The following TTLL1 variants were observed in gnomAD, a reference collection of about 807,000 sequenced individuals.
TTLL1 encodes TTL family tubulin polyglutamylase complex subunit L1.
TTLL1 carries 33 observed loss-of-function variants against 47.8 expected under a neutral mutation model. The ratio of observed to expected loss-of-function variants is 0.69; its 90% confidence interval spans 0.52 to 0.92. TTLL1 has a LOEUF of 0.92. TTLL1 is among the 40% of genes least tolerant of loss of function. TTLL1 has a pLI of 0.00. For missense variants in TTLL1, 488 were observed against 547.5 expected (o/e 0.89, Z 1.08); for synonymous variants, 225 against 214.1 (o/e 1.05, Z -0.45).
At chr22:43,059,687 G>A (rs991338081) in intron 7 of TTLL1, among the ~76,000 whole-genome samples, 160 bp from the exon 8 acceptor site, 5 of 151,988 alleles carry the variant, frequency 3.3e-5, no homozygotes, top group Non-Finnish European at 5.9e-5. Context: ...GATCTGGGCC[G>A]GCTATTTTCC....
In TTLL1 at chr22:43,057,603, G is replaced by A. The variant is rs182906654; in HGVS notation, c.891+1781C>T. On this transcript the variant is annotated intron_variant, in intron 8 of 10. Transcript: ENST00000266254. ...GTATCCCACCACACACACACTCCAC[G>A]GTGATGTGGCACCCACTCTCTGGGC... Among the ~76,000 whole-genome samples, 150 of 152,230 alleles carry A rather than the reference G, an allele frequency of 9.9e-4. 2 individuals carry two copies. The highest frequency in any genetic ancestry group is 1.9e-3 in the Non-Finnish European group (128 of 68,024).
chr22:43,083,186 G>A (rs1252764644), intron 1 of TTLL1, among the ~76,000 whole-genome samples: 2 of 151,226 alleles, frequency 1.3e-5, no homozygotes, highest in Admixed American at 1.3e-4. Flanking sequence ...CTAACATGGT[G>A]AAAACTCTTC....
rs151288706 is a variant in TTLL1 at position 43,055,426 on chromosome 22, G to A, written c.892-3539C>T. Among the ~76,000 whole-genome samples, 506 of 152,000 alleles carry A rather than the reference G, an allele frequency of 3.3e-3. 1 individual carries two copies. The highest frequency in any genetic ancestry group is 0.012 in the African/African-American group (486 of 41,438). ...AGCTCCCTGTAGCCTCCATCTTCCAGGCTCAAGTGATTTTCCCAGGTCAGC... is the reference window on the plus strand; with the variant it reads ...AGCTCCCTGTAGCCTCCATCTTCCAAGCTCAAGTGATTTTCCCAGGTCAGC... On this transcript the variant is annotated intron_variant, in intron 8 of 10. Coordinates refer to ENST00000266254, the MANE Select transcript of TTLL1 (RefSeq NM_012263.5).
chr22:43,064,288 G>T lies in TTLL1; in HGVS notation c.540C>A (p.Ile180=), dbSNP rs755004851. ...GTAACGGGTTGTTAATATAGAGAGA[G>T]ATCACGTAGGCTTCCTTATTAGATT... is the stretch of plus-strand genomic sequence containing the variant. ...VSQSNKEAYV[I]SLYINNPLLI... is the part of the protein sequence containing the mutation. Residue 180 remains isoleucine (I), a synonymous_variant, in exon 6 of 11, where the codon ATC becomes ATA. Coordinates refer to ENST00000266254, the MANE Select transcript of TTLL1 (RefSeq NM_012263.5). 1.2e-6 allele frequency: 2 copies of T among 1,613,824 alleles called. No individual in the cohort carries two copies. The highest frequency in any genetic ancestry group is 3.3e-5 in the Admixed American group (2 of 59,906).
intron 9 of TTLL1, 33 bp downstream of exon 9, chr22:43,051,768 G>A: frequency 6.2e-7 from 1 of 1,602,882 alleles, no homozygotes; most frequent in Non-Finnish European, 8.5e-7. Context: ...GGCTATGTGT[G>A]GTGTGACCAG....
chr22:43,087,983 A>C (rs1470683027), intron 1 of TTLL1, among the ~76,000 whole-genome samples: 1 of 151,712 alleles, frequency 6.6e-6, no homozygotes, highest in Non-Finnish European at 1.5e-5. Flanking sequence ...CCCCATCTCT[A>C]CTAAAATTTA....
At chr22:43,055,117 G>A (rs921102415) in intron 8 of TTLL1, among the ~76,000 whole-genome samples, 2 of 150,150 alleles carry the variant, frequency 1.3e-5, no homozygotes, top group Non-Finnish European at 3.0e-5. Flanking sequence ...TCTACCTCCC[G>A]GGTTCAAGCG....
intron 10 of TTLL1, among the ~76,000 whole-genome samples, chr22:43,043,822 A>G: frequency 6.6e-6 from 1 of 151,780 alleles, no homozygotes; most frequent in Non-Finnish European, 1.5e-5. Context: ...CTCCTTGTGC[A>G]GTCACCTCCA....
chr22:43,075,582 G>A lies in TTLL1; in HGVS notation c.5C>T (p.Ala2Val), dbSNP rs1435393089. M[A>V]GKVKWVTDIE... is the part of the protein sequence containing the mutation. Reference sequence around the variant, plus strand: ...ATCAGTGACCCATTTTACTTTCCCTGCCATAATCCTGGAAGAGATCAAAAT... The same window carrying A: ...ATCAGTGACCCATTTTACTTTCCCTACCATAATCCTGGAAGAGATCAAAAT... The change falls in exon 3 of 11, where the codon GCA (alanine) becomes GTA (valine). Residue 2 changes from alanine to valine, a missense_variant. Physicochemically the swap from Ala to Val is moderately conservative, Grantham distance 64. Transcript: ENST00000266254. 1 of 1,613,846 alleles carries A rather than the reference G, an allele frequency of 6.2e-7. No homozygotes were observed. Among genetic ancestry groups the A allele is most frequent in the Non-Finnish European group, 8.5e-7 (1 of 1,179,744 alleles).
At chr22:43,065,108 G>A (rs548525501) in intron 5 of TTLL1, among the ~76,000 whole-genome samples, 101 of 151,716 alleles carry the variant, frequency 6.7e-4, no homozygotes, top group African/African-American at 2.1e-3. Flanking sequence ...TCCTGCCACC[G>A]CACTCCAGCC....
chr22:43,068,380 C>A (rs752704073), intron 5 of TTLL1, 30 bp downstream of exon 5: 22 of 1,448,434 alleles, frequency 1.5e-5, no homozygotes, highest in Non-Finnish European at 1.3e-5. Context: ...TGGGACCTGG[C>A]ACACAAAGTG....
chr22:43,075,554 G>A lies in TTLL1; in HGVS notation c.33C>T (p.Ile11=), dbSNP rs148475049. 257 of 1,614,100 alleles carry A rather than the reference G, an allele frequency of 1.6e-4. 2 individuals carry two copies. In the African/African-American group the frequency reaches 2.9e-3, roughly 19 times the overall value. ...AGTTATTGATCAGCACTGACTTCTCGATATCAGTGACCCATTTTACTTTCC... is the reference window on the plus strand; with the variant it reads ...AGTTATTGATCAGCACTGACTTCTCAATATCAGTGACCCATTTTACTTTCC... MAGKVKWVTD[I]EKSVLINNFE... Residue 11 remains isoleucine (I), a synonymous_variant, in exon 3 of 11, where the codon ATC becomes ATT. Coordinates refer to ENST00000266254, the MANE Select transcript of TTLL1 (RefSeq NM_012263.5).
intron 8 of TTLL1, chr22:43,052,096 T>C (rs1601663803): frequency 7.0e-6 from 4 of 573,750 alleles, no homozygotes; most frequent in Non-Finnish European, 9.5e-6. Context: ...ATAGAGGGAA[T>C]TGATGAAGCC....
chr22:43,072,918 G>C (rs1161619783), intron 3 of TTLL1, among the ~76,000 whole-genome samples: 1 of 152,166 alleles, frequency 6.6e-6, no homozygotes, highest in Non-Finnish European at 1.5e-5. Flanking sequence ...TCTTTAATCT[G>C]CCACAAATTG....
At chr22:43,067,902 C>G (rs1476760210) in intron 5 of TTLL1, among the ~76,000 whole-genome samples, 1 of 151,614 alleles carries the variant, frequency 6.6e-6, no homozygotes, top group Non-Finnish European at 1.5e-5. Flanking sequence ...CTTCTGGGTT[C>G]AAGCGATTCT....
At position 43,068,412 on chromosome 22, in the gene TTLL1, A is replaced by C. The variant is rs1927889170; in HGVS notation, c.501T>G (p.Ser167=). The change falls in exon 5 of 11, where the codon TCT becomes TCG. Residue 167 remains serine, a splice_region_variant and synonymous_variant. Coordinates refer to ENST00000266254, the MANE Select transcript of TTLL1 (RefSeq NM_012263.5). Reference sequence around the variant, plus strand: ...AGTGGGTGGCTGCCCACACTTACGAAGATGTCTTGCTGTCCCGGGACCACT... The same window carrying C: ...AGTGGGTGGCTGCCCACACTTACGACGATGTCTTGCTGTCCCGGGACCACT... ...IKKWSRDSKT[S]SFVSQSNKEA... 1 of 1,504,150 alleles carries C rather than the reference A, an allele frequency of 6.6e-7. No homozygotes were observed. The highest frequency in any genetic ancestry group is 1.4e-5 in the African/African-American group (1 of 72,812). The allele number at this position is 1,504,150 out of a possible 1,614,324, so 93.2% of individuals were successfully genotyped here.
intron 3 of TTLL1, 146 bp from the exon 4 acceptor site, chr22:43,069,990 GC>G: frequency 1.5e-6 from 2 of 1,351,848 alleles, no homozygotes; most frequent in African/African-American, 1.5e-5. Flanking sequence ...GGGTTGCCCG[GC>G]CCACAGCAGC....
intron 1 of TTLL1, among the ~76,000 whole-genome samples, chr22:43,085,415 C>T (rs994660732): frequency 1.3e-5 from 2 of 152,204 alleles, no homozygotes; most frequent in Non-Finnish European, 2.9e-5. Context: ...CCAATCTCAA[C>T]TTGACTTGTA....
At chr22:43,069,968 C>T in intron 3 of TTLL1, 124 bp from the exon 4 acceptor site, 1 of 1,436,828 alleles carries the variant, frequency 7.0e-7, no homozygotes, top group Non-Finnish European at 9.3e-7. Context: ...CATCCCCTGG[C>T]ACCTGAGCCA....
Sources: allele counts gnomAD v4.1 joint callset (sites outside exome capture counted in the v4.1 genomes callset), GRCh38; gene constraint gnomAD v4.1.1; transcripts MANE v1.5; gene names NCBI Gene and HGNC (gene_info 2026-07-23, HGNC 2026-07-21).